HOOK2: variants seen among roughly 807,000 people sequenced by gnomAD.
HOOK2 encodes hook microtubule tethering protein 2, also known as protein Hook homolog 2.
Under a neutral mutation model 111.9 loss-of-function variants are expected in HOOK2, and 108 were observed. The observed-to-expected ratio is 0.96, with a 90% confidence interval of 0.83 to 1.13. The LOEUF is 1.13. HOOK2 is among the 50% of genes most tolerant of loss of function. The pLI, the probability that HOOK2 is intolerant of heterozygous loss-of-function variation, is 0.00. For missense variants in HOOK2, 978 were observed against 951.3 expected, an observed-to-expected ratio of 1.03 and a Z score of -0.37; for synonymous variants, 405 against 394.3, an observed-to-expected ratio of 1.03 and a Z score of -0.32.
chr19:12,791,823 A>G lies in HOOK2; in HGVS notation n.42-17598T>C, dbSNP rs377693229. On this transcript the variant is annotated intron_variant and non_coding_transcript_variant, in intron 3 of 3. Transcript: ENST00000589765. This position sits in a 1 kb window ranked among gnomAD's most constrained non-coding sequence, Gnocchi z 7.0. ...CTACCACGACGACTCATACACAGCTACGGGATACGGCCGGGCCCCTGGTGG... is the reference window on the plus strand; with the variant it reads ...CTACCACGACGACTCATACACAGCTGCGGGATACGGCCGGGCCCCTGGTGG... The G allele has an allele frequency of 1.1e-5, 17 of 1,613,588 alleles. 2 individuals carry two copies. The African/African-American group carries it at 1.5e-4, about 14-fold the overall frequency.
At chr19:12,769,528 T>C (rs1338984633) in intron 11 of HOOK2, among the ~76,000 whole-genome samples, 1 of 152,154 alleles carries the variant, frequency 6.6e-6, no homozygotes, top group Non-Finnish European at 1.5e-5. Context: ...GCTCAAGTGA[T>C]CCTCCCGGCT....
At chr19:12,777,122 A>C (rs1968539188), upstream of HOOK2, among the ~76,000 whole-genome samples, 1 of 151,806 alleles carries the variant, frequency 6.6e-6, no homozygotes. Context: ...GCGCCACTGC[A>C]CTCCAGCCTG....
chr19:12,772,730 A>ATCTC (rs766203758), intron 5 of HOOK2, 50 bp from the exon 6 acceptor site: 99 of 1,612,358 alleles, frequency 6.1e-5, no homozygotes, highest in Admixed American at 5.3e-4. Context: ...GGTGGGGAGG[A>ATCTC]AGGAGGATTT....
rs770714736 is a variant in HOOK2, at chr19:12,771,473, C to T, written c.524G>A (p.Arg175His). The T allele has an allele frequency of 1.7e-5, 28 of 1,610,852 alleles. No individual in the cohort carries two copies. In the African/African-American group the frequency reaches 2.7e-4, roughly 15 times the overall value. Residue 175 changes from arginine (R) to histidine (H), a missense_variant, in exon 8 of 23, where the codon CGC (arginine) becomes CAC (histidine). Arg to His is a conservative substitution (Grantham distance 29). Coordinates refer to ENST00000397668, the MANE Select transcript of HOOK2 (RefSeq NM_013312.3). The stretch of plus-strand genomic sequence containing the variant: ...CTCCTCACTTAGGAAATAGTACCTG[C>T]GGGACTGCAGAGATGAGGGGGAAGA... ...ETYGNFDSQS[R>H]RYYFLSEEAE... is the part of the protein sequence containing the mutation.
chr19:12,779,161 C>T (rs1968570738), upstream of HOOK2, among the ~76,000 whole-genome samples: 1 of 152,212 alleles, frequency 6.6e-6, no homozygotes, highest in East Asian at 1.9e-4. Flanking sequence ...AGCCCACCCC[C>T]TCTACTGGTT....
At chr19:12,783,302 A>G (rs1464029151), upstream of HOOK2, among the ~76,000 whole-genome samples, 3 of 148,148 alleles carry the variant, frequency 2.0e-5, no homozygotes, top group African/African-American at 4.9e-5. Flanking sequence ...AGCAAGCCAG[A>G]GGCGCCCCCC....
intron 10 of HOOK2, 103 bp downstream of exon 10, chr19:12,770,829 G>A (rs1968303114): frequency 2.8e-6 from 4 of 1,415,698 alleles, no homozygotes; most frequent in Non-Finnish European, 3.8e-6. Context: ...GGGGTTCACT[G>A]GGCACATGAA....
At chr19:12,767,668 CT>C in intron 13 of HOOK2, 147 bp downstream of exon 13, 2 of 854,534 alleles carry the variant, frequency 2.3e-6, no homozygotes, top group Non-Finnish European at 3.6e-6. Flanking sequence ...CTGAGCCTCT[CT>C]CTTCAATTTG....
upstream of HOOK2, among the ~76,000 whole-genome samples, chr19:12,781,157 G>A (rs1342210530): frequency 9.0e-4 from 130 of 143,804 alleles, 1 homozygote; most frequent in African/African-American, 3.2e-3. Flanking sequence ...AAAAAAATTA[G>A]CCGGGCATGG....
Position 12,791,424 on chromosome 19 carries a change from C to T in HOOK2, n.42-17199G>A. The T allele has an allele frequency of 5.4e-6, 1 of 186,752 alleles. No individual in the cohort carries two copies. Among genetic ancestry groups the T allele is most frequent in the Admixed American group, 6.2e-5 (1 of 16,258 alleles). The allele number at this position is 186,752 out of a possible 1,614,324, so 11.6% of individuals were successfully genotyped here. A position where few individuals can be genotyped will look rare whatever the true frequency, so the allele number is the denominator to read the frequency against. On this transcript the variant is annotated intron_variant and non_coding_transcript_variant, in intron 3 of 3. Transcript: ENST00000589765. The surrounding 1 kb of genome is among the most constrained non-coding windows in gnomAD (Gnocchi z 7.0). The stretch of plus-strand genomic sequence containing the variant: ...GGGCCCGGCTCCGGCGACGGCCAAT[C>T]GGAGCGCACTTCCGTGGCTGACTAG...
intron 11 of HOOK2, among the ~76,000 whole-genome samples, chr19:12,768,636 A>G (rs908354625): frequency 6.6e-6 from 1 of 151,714 alleles, no homozygotes. Context: ...AAAAAAATTT[A>G]AAAATTTTTA....
chr19:12,789,809 GGC>G (rs908730802), intron 3 of HOOK2, among the ~76,000 whole-genome samples: 2 of 151,654 alleles, frequency 1.3e-5, no homozygotes, highest in African/African-American at 2.4e-5. Context: ...CGGCCGTGGG[GGC>G]CCCGGGGGCG....
intron 15 of HOOK2, 31 bp downstream of exon 15, chr19:12,766,072 G>A (rs1468298938): frequency 6.2e-7 from 1 of 1,604,792 alleles, no homozygotes; most frequent in South Asian, 1.1e-5. Context: ...CTCTGTCCCT[G>A]CTCCGCGCAG....
At chr19:12,769,078 G>A (rs2145746732) in intron 11 of HOOK2, among the ~76,000 whole-genome samples, 1 of 150,606 alleles carries the variant, frequency 6.6e-6, no homozygotes, top group East Asian at 2.0e-4. Context: ...CCATTCTCCT[G>A]CCTCAGCCTC....
Position 12,790,674 on chromosome 19 carries a change from G to C in HOOK2, n.42-16449C>G, listed in dbSNP as rs182244969. ...CTAACTCTCTCCTTCATCCGGGCTA[G>C]CAGATGACCCCAGTGGTCCCCAATT... is the stretch of plus-strand genomic sequence containing the variant. On this transcript the variant is annotated intron_variant and non_coding_transcript_variant, in intron 3 of 3. Coordinates refer to the HOOK2 transcript ENST00000589765. This position sits in a 1 kb window ranked among gnomAD's most constrained non-coding sequence, Gnocchi z 7.2. Among the ~76,000 whole-genome samples the C allele has an allele frequency of 6.7e-6, 1 of 149,216 alleles. No homozygotes were observed. The highest frequency in any genetic ancestry group is 1.9e-4 in the East Asian group (1 of 5,182).
rs1299463010 is a variant in HOOK2, at chr19:12,764,831, C to T, written c.1810G>A (p.Val604Met). The change falls in exon 20 of 23, where the codon GTG (valine) becomes ATG (methionine). Residue 604 changes from valine to methionine, a missense_variant. Val to Met is a conservative substitution (Grantham distance 21). Coordinates refer to ENST00000397668, the MANE Select transcript of HOOK2 (RefSeq NM_013312.3). ...GTCCTCACCATGCGGGCCTTGTCCA[C>T]GTAGCGGCGGTATCGCTCCTCCATG... ...RAMEERYRRY[V>M]DKARMVMQTM... The T allele has an allele frequency of 6.8e-6, 11 of 1,613,774 alleles. No homozygotes were observed. Among genetic ancestry groups the T allele is most frequent in the South Asian group, 3.3e-5 (3 of 91,084 alleles).
intron 3 of HOOK2, among the ~76,000 whole-genome samples, chr19:12,787,779 G>A (rs1026596152): frequency 1.4e-4 from 21 of 151,978 alleles, no homozygotes; most frequent in Non-Finnish European, 2.8e-4. Context: ...AAAAAGGGCC[G>A]GGCATGGTGG....
At chr19:12,775,235 G>A (rs920935643) in intron 1 of HOOK2, 170 bp downstream of exon 1, 2 of 985,256 alleles carry the variant, frequency 2.0e-6, no homozygotes, top group African/African-American at 3.5e-5. Flanking sequence ...TTTCCACGCA[G>A]ACTTGCCACG....
chr19:12,776,359 G>T (rs1968509570), upstream of HOOK2, among the ~76,000 whole-genome samples: 1 of 151,492 alleles, frequency 6.6e-6, no homozygotes. Context: ...AATTTGGATA[G>T]AAGTTGGAGA....
Sources: allele counts gnomAD v4.1 joint callset (sites outside exome capture counted in the v4.1 genomes callset), GRCh38; gene constraint gnomAD v4.1.1; non-coding constraint Gnocchi (gnomAD v3.1); transcripts MANE v1.5; gene names NCBI Gene and HGNC (gene_info 2026-07-23, HGNC 2026-07-21).